Variants in DPP10 observed in about 807,000 individuals in gnomAD.
DPP10 encodes dipeptidyl peptidase like 10.
Under a neutral mutation model 120.9 loss-of-function variants are expected in DPP10, and 33 were observed. The ratio of observed to expected loss-of-function variants is 0.27; its 90% CI spans 0.21 to 0.37. DPP10 has a LOEUF of 0.37. Among genes scored for constraint, DPP10 ranks in the 10% least tolerant of loss-of-function variants. DPP10 has a pLI of 1.00. For missense variants in DPP10, 816 were observed against 942.8 expected (o/e 0.87, Z 1.76); for synonymous variants, 337 against 326.1 (o/e 1.03, Z -0.36).
At chr2:114,826,559 TCTC>T (rs1358274720) in intron 1 of DPP10, among the ~76,000 whole-genome samples, 1 of 151,848 alleles carries the variant, frequency 6.6e-6, no homozygotes, top group African/African-American at 2.4e-5. Flanking sequence ...TGAGATGGAG[TCTC>T]CTCTGTCACC....
intron 1 of DPP10, among the ~76,000 whole-genome samples, chr2:114,748,338 C>CTTTTTTTTTT (rs1255227047): frequency 2.8e-5 from 2 of 70,322 alleles, no homozygotes; most frequent in Non-Finnish European, 5.6e-5. Flanking sequence ...AGGGAATTTT[C>CTTTTTTTTTT]TTTTTTTTTT....
intron 1 of DPP10, among the ~76,000 whole-genome samples, chr2:115,028,165 T>C (rs1401142602): frequency 6.6e-6 from 1 of 152,068 alleles, no homozygotes; most frequent in African/African-American, 2.4e-5. Flanking sequence ...ATTATTGCTT[T>C]GTCAGTTCCT....
intron 3 of DPP10, among the ~76,000 whole-genome samples, chr2:115,478,969 T>C (rs559272524): frequency 6.6e-6 from 1 of 152,276 alleles, no homozygotes; most frequent in African/African-American, 2.4e-5. Context: ...TGTAAAATAT[T>C]ATAGCTGCTG....
At chr2:115,120,846 A>G (rs1053061293) in intron 1 of DPP10, among the ~76,000 whole-genome samples, 2 of 152,126 alleles carry the variant, frequency 1.3e-5, no homozygotes, top group Admixed American at 1.3e-4. Context: ...TATAAAATCT[A>G]TTTTCTTTAT....
intron 1 of DPP10, among the ~76,000 whole-genome samples, chr2:114,676,244 GA>G (rs973086408): frequency 2.0e-5 from 3 of 152,030 alleles, no homozygotes; most frequent in Admixed American, 1.3e-4. Flanking sequence ...AAAAGTAGTA[GA>G]AAAAAATGGT....
At chr2:115,468,432 AG>A in intron 3 of DPP10, 1 of 464,080 alleles carries the variant, frequency 2.2e-6, no homozygotes, top group Admixed American at 2.3e-5. Flanking sequence ...TAATAATCCC[AG>A]GGCTGGCCAC....
At chr2:115,379,231 C>G (rs994555610) in intron 3 of DPP10, among the ~76,000 whole-genome samples, 1 of 152,118 alleles carries the variant, frequency 6.6e-6, no homozygotes, top group African/African-American at 2.4e-5. Context: ...AATTTCAGAT[C>G]CTGTTATTGG....
intron 1 of DPP10, among the ~76,000 whole-genome samples, chr2:114,483,134 T>C (rs1558800572): frequency 6.6e-6 from 1 of 152,164 alleles, no homozygotes; most frequent in Non-Finnish European, 1.5e-5. Flanking sequence ...ATTGGTTGAA[T>C]ATTTTGTTGT....
At chr2:115,323,713 T>C (rs916396390) in intron 2 of DPP10, among the ~76,000 whole-genome samples, 2 of 152,224 alleles carry the variant, frequency 1.3e-5, no homozygotes, top group African/African-American at 2.4e-5. Flanking sequence ...ACCATTAATA[T>C]TGATGTACAT....
intron 1 of DPP10, among the ~76,000 whole-genome samples, chr2:115,120,363 T>C (rs928245189): frequency 6.6e-6 from 1 of 152,190 alleles, no homozygotes; most frequent in Non-Finnish European, 1.5e-5. Flanking sequence ...ATGTCAGGGA[T>C]ACATAGGCTA....
At chr2:115,565,779 G>GTTTTTTTTTTGTTTTTTTTTTT (rs1208433324) in intron 5 of DPP10, among the ~76,000 whole-genome samples, 1 of 101,562 alleles carries the variant, frequency 9.8e-6, no homozygotes, top group African/African-American at 3.4e-5. Context: ...GTTTTTTTTT[G>GTTTTTTTTTTGTTTTTTTTTTT]TTTTTTTTTG....
intron 1 of DPP10, among the ~76,000 whole-genome samples, chr2:115,262,893 AAGG>A (rs917983018): frequency 7.3e-5 from 4 of 54,448 alleles, no homozygotes; most frequent in African/African-American, 2.0e-4. Context: ...AATTCTACAG[AAGG>A]AAAAAAACAT....
intron 3 of DPP10, among the ~76,000 whole-genome samples, chr2:115,432,659 T>TTTTGTGTGTG (rs1219114609): frequency 2.2e-5 from 3 of 137,756 alleles, no homozygotes; most frequent in Middle Eastern, 4.2e-3. Context: ...ATAGGCAATT[T>TTTTGTGTGTG]TGTGTGTGTG....
At chr2:114,984,339 C>G (rs986426853) in intron 1 of DPP10, among the ~76,000 whole-genome samples, 1 of 151,990 alleles carries the variant, frequency 6.6e-6, no homozygotes, top group Non-Finnish European at 1.5e-5. Flanking sequence ...GGGGCAAATT[C>G]GCGACTGCCG....
chr2:115,022,640 G>GAA (rs1298180871), intron 1 of DPP10, among the ~76,000 whole-genome samples: 1 of 151,892 alleles, frequency 6.6e-6, no homozygotes, highest in Non-Finnish European at 1.5e-5. Flanking sequence ...CACAGAACTA[G>GAA]AAAAAACAAC....
At chr2:115,079,419 G>A (rs540584081) in intron 1 of DPP10, among the ~76,000 whole-genome samples, 1 of 151,558 alleles carries the variant, frequency 6.6e-6, no homozygotes, top group South Asian at 2.1e-4. Flanking sequence ...AGAGATTAAC[G>A]GGGATGACAG....
intron 1 of DPP10, among the ~76,000 whole-genome samples, chr2:115,243,272 T>C (rs1442530152): frequency 6.6e-6 from 1 of 152,170 alleles, no homozygotes; most frequent in African/African-American, 2.4e-5. Context: ...GTTTAGGTAT[T>C]AGGGTGATTT....
chr2:115,278,265 A>T (rs2059998516), intron 1 of DPP10, among the ~76,000 whole-genome samples: 1 of 152,176 alleles, frequency 6.6e-6, no homozygotes, highest in African/African-American at 2.4e-5. Flanking sequence ...TTCTTGCTAC[A>T]CAAACTTACA....
intron 1 of DPP10, among the ~76,000 whole-genome samples, chr2:115,259,170 C>T (rs187695100): frequency 6.6e-6 from 1 of 152,156 alleles, no homozygotes; most frequent in East Asian, 1.9e-4. Context: ...ATTCCTGGTG[C>T]CCAAAGGGAG....
Sources: allele counts gnomAD v4.1 joint callset (sites outside exome capture counted in the v4.1 genomes callset), GRCh38; gene constraint gnomAD v4.1.1; transcripts MANE v1.5; gene names NCBI Gene and HGNC (gene_info 2026-07-23, HGNC 2026-07-21).